MYPN: variants seen among roughly 807,000 people sequenced by gnomAD.
The protein encoded by MYPN is myopalladin.
In MYPN, 63 loss-of-function variants were observed where a neutral mutation model predicts 129.4. The observed-to-expected ratio is 0.49, with a 90% confidence interval of 0.40 to 0.60. MYPN has a LOEUF of 0.60. MYPN is among the 20% of genes least tolerant of loss of function. MYPN has a pLI of 0.00. For synonymous variants in MYPN, 629 were observed against 600.9 expected (o/e 1.05, Z -0.68); for missense variants, 1,596 against 1,635.4 (o/e 0.98, Z 0.42).
chr10:68,118,803 C>T (rs2133985109), intron 1 of MYPN, among the ~76,000 whole-genome samples: 1 of 151,506 alleles, frequency 6.6e-6, no homozygotes, highest in East Asian at 1.9e-4. Context: ...CACTGTGCTC[C>T]ATCCTGGGTG....
In MYPN at chr10:68,211,907, G is replaced by T. The variant is rs142475557; in HGVS notation, c.*1452G>T. The T allele has an allele frequency of 2.3e-6, 1 of 435,302 alleles. No homozygotes were observed. Among genetic ancestry groups the T allele is most frequent in the African/African-American group, 2.0e-5 (1 of 49,356 alleles). 27.0% of individuals were successfully genotyped at this position (435,302 alleles called of 1,614,324 possible). A position where few individuals can be genotyped will look rare whatever the true frequency, so the allele number is the denominator to read the frequency against. On this transcript the variant is annotated 3_prime_UTR_variant, in exon 20 of 20. Transcript: ENST00000358913. ...GTGCTGTCTGTGCCAAGCACACTCA[G>T]CTGGCATTGTATTTGTGTGAACAGA... is the stretch of plus-strand genomic sequence containing the variant.
intron 9 of MYPN, among the ~76,000 whole-genome samples, 176 bp downstream of exon 9, chr10:68,165,994 C>T (rs193198959): frequency 4.6e-5 from 7 of 152,272 alleles, no homozygotes; most frequent in African/African-American, 7.2e-5. Flanking sequence ...CTTCTTATTG[C>T]GCTTACAGCC....
intron 2 of MYPN, among the ~76,000 whole-genome samples, chr10:68,124,480 G>A (rs970427614): frequency 6.6e-6 from 1 of 152,036 alleles, no homozygotes; most frequent in Non-Finnish European, 1.5e-5. Context: ...TAGCATTTTT[G>A]TTTATATATA....
chr10:68,106,158 T>C (rs761336348), upstream of MYPN: 2 of 454,086 alleles, frequency 4.4e-6, no homozygotes, highest in South Asian at 1.6e-5. Context: ...TTGATTGATA[T>C]AGGAATGGTG....
In MYPN at chr10:68,201,916, G is replaced by A. The variant is rs1252035616; in HGVS notation, c.3581G>A (p.Arg1194His). 6.2e-6 allele frequency: 10 copies of A among 1,614,004 alleles called. No homozygotes were observed. The highest frequency in any genetic ancestry group is 4.5e-5 in the East Asian group (2 of 44,884). ...PEGHPVRLECRVIGMPPPVFY... is the reference protein window; with the variant it reads ...PEGHPVRLECHVIGMPPPVFY... The stretch of plus-strand genomic sequence containing the variant: ...GGCCACCCCGTGAGACTGGAGTGCC[G>A]CGTGATAGGCATGCCCCCACCTGTG... The change falls in exon 18 of 20, where the codon CGC becomes CAC. Residue 1194 changes from arginine (R) to histidine (H), a missense_variant. Coordinates refer to ENST00000358913, the MANE Select transcript of MYPN (RefSeq NM_032578.4).
intron 12 of MYPN, among the ~76,000 whole-genome samples, chr10:68,176,037 C>T (rs2043222854): frequency 6.6e-6 from 1 of 152,128 alleles, no homozygotes; most frequent in Admixed American, 6.5e-5. Context: ...GACACCACAC[C>T]CAGCCTATGA....
intron 2 of MYPN, among the ~76,000 whole-genome samples, chr10:68,140,395 T>A (rs896332854): frequency 1.4e-4 from 21 of 152,184 alleles, no homozygotes; most frequent in African/African-American, 5.1e-4. Context: ...CAAGACACTG[T>A]CCTTACCTTC....
chr10:68,137,022 G>A (rs570176206), intron 2 of MYPN, among the ~76,000 whole-genome samples: 1 of 152,068 alleles, frequency 6.6e-6, no homozygotes, highest in Non-Finnish European at 1.5e-5. Flanking sequence ...TTTTATGTGA[G>A]TTGTAATATT....
chr10:68,122,625 G>A (rs557943900), intron 2 of MYPN, among the ~76,000 whole-genome samples: 265 of 152,242 alleles, frequency 1.7e-3, no homozygotes, highest in African/African-American at 6.2e-3. Flanking sequence ...TCGTAGGCTG[G>A]GCGCAGTGGC....
chr10:68,155,636 CG>C (rs1272817477), intron 6 of MYPN, among the ~76,000 whole-genome samples: 1 of 152,174 alleles, frequency 6.6e-6, no homozygotes, highest in East Asian at 1.9e-4. Context: ...TTGTGATGAA[CG>C]TGATGACAGC....
intron 18 of MYPN, among the ~76,000 whole-genome samples, chr10:68,204,002 C>G (rs1053847369): frequency 6.6e-6 from 1 of 152,182 alleles, no homozygotes; most frequent in Non-Finnish European, 1.5e-5. Flanking sequence ...AGCCCACTTC[C>G]CTAATGTCTG....
chr10:68,119,069 G>A (rs1439520692), intron 1 of MYPN, among the ~76,000 whole-genome samples: 2 of 152,058 alleles, frequency 1.3e-5, no homozygotes, highest in Non-Finnish European at 2.9e-5. Context: ...TTACAAATGA[G>A]GATTTTCGGT....
intron 15 of MYPN, among the ~76,000 whole-genome samples, chr10:68,196,218 C>T (rs1460929864): frequency 6.6e-6 from 1 of 152,216 alleles, no homozygotes; most frequent in Admixed American, 6.5e-5. Flanking sequence ...AAACAGAAAC[C>T]TTTAATGATT....
Position 68,206,860 on chromosome 10 carries a change from T to A in MYPN, c.3750T>A (p.Asn1250Lys), listed in dbSNP as rs2043824198. 6.2e-7 allele frequency: 1 copy of A among 1,614,126 alleles called. No homozygotes were observed. Among genetic ancestry groups the A allele is most frequent in the African/African-American group, 1.3e-5 (1 of 74,944 alleles). The part of the protein sequence containing the change: ...DAGWYTLSAK[N>K]EAGIVSCTAR... ...GATGGTACACGTTGTCAGCCAAGAA[T>A]GAAGCCGGCATCGTGTCGTGCACTG... is the stretch of plus-strand genomic sequence containing the variant. The change falls in exon 19 of 20, where the codon AAT becomes AAA. Residue 1250 changes from asparagine (N) to lysine (K), a missense_variant. Transcript: ENST00000358913.
At chr10:68,106,320 G>T, upstream of MYPN, 1 of 357,550 alleles carries the variant, frequency 2.8e-6, no homozygotes. Flanking sequence ...GTTTTCCCAG[G>T]CAAGCATTTT....
At chr10:68,177,148 T>C (rs1361250998) in intron 12 of MYPN, among the ~76,000 whole-genome samples, 4 of 152,112 alleles carry the variant, frequency 2.6e-5, no homozygotes, top group Admixed American at 6.5e-5. Context: ...GAAAGAAGGG[T>C]TTTTCTCTTA....
chr10:68,134,619 A>T, intron 2 of MYPN, among the ~76,000 whole-genome samples: 1 of 151,998 alleles, frequency 6.6e-6, no homozygotes, highest in East Asian at 1.9e-4. Context: ...ACATGGTGAA[A>T]CCCTGTCTCT....
rs2042602003 is a variant in MYPN at position 68,143,046 on chromosome 10, G to C, written c.1009G>C (p.Gly337Arg). ...TGCGGAAGCCTTTGAAGAGGACACA[G>C]GACGCTATTCCTGCTTTGCTTCTAA... ...TIAEAFEEDT[G>R]RYSCFASNIY... The change falls in exon 3 of 20, where the codon GGA becomes CGA. Residue 337 changes from glycine (G) to arginine (R), a missense_variant. Coordinates refer to ENST00000358913, the MANE Select transcript of MYPN (RefSeq NM_032578.4). 1 of 1,614,136 alleles carries C rather than the reference G, an allele frequency of 6.2e-7. No homozygotes were observed. The highest frequency in any genetic ancestry group is 8.5e-7 in the Non-Finnish European group (1 of 1,180,014).
chr10:68,183,131 T>C (rs2043364626), intron 12 of MYPN, among the ~76,000 whole-genome samples: 1 of 152,168 alleles, frequency 6.6e-6, no homozygotes, highest in Non-Finnish European at 1.5e-5. Context: ...ATTTCTGAAG[T>C]ATAAGTATAA....
Sources: allele counts gnomAD v4.1 joint callset (sites outside exome capture counted in the v4.1 genomes callset), GRCh38; gene constraint gnomAD v4.1.1; transcripts MANE v1.5; gene names NCBI Gene and HGNC (gene_info 2026-07-23, HGNC 2026-07-21).